The following PAPPA2 variants were observed in gnomAD, a reference collection of about 807,000 sequenced individuals.
The protein encoded by PAPPA2 is pappalysin 2, also known as pappalysin-2.
A neutral mutation model predicts 176.4 loss-of-function variants in PAPPA2; 86 were observed. The ratio of observed to expected loss-of-function variants is 0.49; its 90% CI spans 0.41 to 0.58. The LOEUF is 0.58. Ranked by LOEUF, PAPPA2 falls within the 20% of genes least tolerant of loss-of-function variation. The pLI is 0.00. For missense variants in PAPPA2, 2,073 were observed against 2,256.9 expected (o/e 0.92, Z 1.65); for synonymous variants, 809 against 852.2 (o/e 0.95, Z 0.88).
chr1:176,634,508 G>C (rs1442179597), intron 3 of PAPPA2, among the ~76,000 whole-genome samples: 1 of 152,048 alleles, frequency 6.6e-6, no homozygotes, highest in Non-Finnish European at 1.5e-5. Flanking sequence ...GTTAATGGGT[G>C]CAGCACACCA....
intron 2 of PAPPA2, among the ~76,000 whole-genome samples, chr1:176,565,954 G>A (rs1184817790): frequency 6.6e-6 from 1 of 152,080 alleles, no homozygotes; most frequent in Non-Finnish European, 1.5e-5. Context: ...TTCACCTTTG[G>A]CCTGAAGTGT....
At chr1:176,520,856 T>C (rs1157992096) in intron 1 of PAPPA2, among the ~76,000 whole-genome samples, 1 of 152,134 alleles carries the variant, frequency 6.6e-6, no homozygotes, top group Non-Finnish European at 1.5e-5. Context: ...AGCGTGTGCT[T>C]GTAGTCTCAG....
intron 20 of PAPPA2, among the ~76,000 whole-genome samples, chr1:176,797,646 A>G (rs1409071407): frequency 6.6e-6 from 1 of 151,742 alleles, no homozygotes. Context: ...GTCTCAAAAA[A>G]TATATATATA....
At chr1:176,610,711 T>A (rs958142437) in intron 3 of PAPPA2, among the ~76,000 whole-genome samples, 1 of 152,138 alleles carries the variant, frequency 6.6e-6, no homozygotes, top group Non-Finnish European at 1.5e-5. Flanking sequence ...GATAGTAAAA[T>A]GGCCTCTTCT....
chr1:176,498,292 C>T (rs1194276940), intron 1 of PAPPA2, among the ~76,000 whole-genome samples: 2 of 152,142 alleles, frequency 1.3e-5, no homozygotes, highest in African/African-American at 2.4e-5. Context: ...CTCTCCAGGT[C>T]CCACTCTGGG....
At chr1:176,521,388 A>G (rs1220108246) in intron 1 of PAPPA2, among the ~76,000 whole-genome samples, 1 of 152,106 alleles carries the variant, frequency 6.6e-6, no homozygotes, top group Non-Finnish European at 1.5e-5. Flanking sequence ...CCACATGGTG[A>G]GACCCATTAG....
intron 10 of PAPPA2, among the ~76,000 whole-genome samples, chr1:176,709,651 A>G (rs1199657169): frequency 6.6e-6 from 1 of 152,178 alleles, no homozygotes; most frequent in Admixed American, 6.6e-5. Context: ...TCTCCCAAAT[A>G]TCTTACTCAA....
intron 3 of PAPPA2, among the ~76,000 whole-genome samples, chr1:176,655,795 C>G (rs753161446): frequency 2.6e-5 from 4 of 151,656 alleles, no homozygotes; most frequent in Non-Finnish European, 5.9e-5. Context: ...CACAATATAT[C>G]CATGTAACAA....
At chr1:176,577,356 C>T (rs530700052) in intron 2 of PAPPA2, among the ~76,000 whole-genome samples, 44 of 152,250 alleles carry the variant, frequency 2.9e-4, no homozygotes, top group African/African-American at 1.0e-3. Flanking sequence ...AATCTCCTCT[C>T]CTGTTTTCTA....
rs771453673 is a variant in PAPPA2 at position 176,710,169 on chromosome 1, A to C, written c.3644A>C (p.His1215Pro). 1 of 1,613,234 alleles carries C rather than the reference A, an allele frequency of 6.2e-7. No homozygotes were observed. The highest frequency in any genetic ancestry group is 1.1e-5 in the South Asian group (1 of 90,976). Residue 1215 changes from histidine (H) to proline (P), a missense_variant, in exon 11 of 23, where the codon CAT becomes CCT. By Grantham distance (77) the His-to-Pro change is moderately conservative. This residue lies in a region of PAPPA2 where 846 missense variants were observed against 857.9 expected (regional missense o/e 0.99). Coordinates refer to ENST00000367662, the MANE Select transcript of PAPPA2 (RefSeq NM_020318.3). ...CPVSLVTGEPHSLICTSYHPD... is the reference protein window; with the variant it reads ...CPVSLVTGEPPSLICTSYHPD... ...GTTTCCTTGGTAACTGGAGAACCTC[A>C]TTCCCTAGTAAGTTAAGCCAGATGA... is the stretch of plus-strand genomic sequence containing the variant.
In PAPPA2 at chr1:176,820,602, A is replaced by G. The variant is rs1666621749; in HGVS notation, c.5203-19571A>G. ...CTGCCCACTGTGCCAGCCACATGTC[A>G]TGCATGGCATTTTCTTCTGCTAAAC... On this transcript the variant is annotated intron_variant, in intron 21 of 22. Coordinates refer to ENST00000367662, the MANE Select transcript of PAPPA2 (RefSeq NM_020318.3). 2.0e-5 allele frequency among the ~76,000 whole-genome samples: 3 copies of G among 152,256 alleles called. No individual in the cohort carries two copies. In the East Asian group the frequency reaches 5.8e-4, roughly 29 times the overall value.
At chr1:176,474,674 A>T (rs1652035422) in intron 1 of PAPPA2, among the ~76,000 whole-genome samples, 1 of 152,234 alleles carries the variant, frequency 6.6e-6, no homozygotes, top group Admixed American at 6.5e-5. Flanking sequence ...CACTTACTAC[A>T]AGTTCCATAA....
intron 1 of PAPPA2, among the ~76,000 whole-genome samples, chr1:176,492,957 G>C (rs1407623430): frequency 6.6e-6 from 1 of 152,084 alleles, no homozygotes; most frequent in Admixed American, 6.5e-5. Flanking sequence ...ATTTTCTGTT[G>C]TGATTCAGGA....
At chr1:176,516,342 A>G (rs1369229634) in intron 1 of PAPPA2, among the ~76,000 whole-genome samples, 1 of 149,916 alleles carries the variant, frequency 6.7e-6, no homozygotes, top group Non-Finnish European at 1.5e-5. Flanking sequence ...CCTCATTCTC[A>G]TCATTTACCA....
At chr1:176,485,451 C>T (rs1048125732) in intron 1 of PAPPA2, among the ~76,000 whole-genome samples, 1 of 152,126 alleles carries the variant, frequency 6.6e-6, no homozygotes, top group African/African-American at 2.4e-5. Flanking sequence ...CCACATGATT[C>T]ACTCTCCCAC....
intron 3 of PAPPA2, among the ~76,000 whole-genome samples, chr1:176,647,492 C>A (rs1462822819): frequency 6.6e-6 from 1 of 151,448 alleles, no homozygotes; most frequent in African/African-American, 2.4e-5. Flanking sequence ...TAGCCCAGTC[C>A]AATGCCATGA....
chr1:176,746,957 C>T (rs185967746), intron 14 of PAPPA2, among the ~76,000 whole-genome samples: 1 of 152,054 alleles, frequency 6.6e-6, no homozygotes, highest in African/African-American at 2.4e-5. Context: ...GTTCAAAAAC[C>T]ATTTAAGTGA....
chr1:176,828,882 A>G (rs1338193371), intron 21 of PAPPA2, among the ~76,000 whole-genome samples: 1 of 152,096 alleles, frequency 6.6e-6, no homozygotes, highest in Non-Finnish European at 1.5e-5. Context: ...GGGCAGCTGT[A>G]TTCCCAACTA....
intron 17 of PAPPA2, 38 bp downstream of exon 17, chr1:176,771,218 C>G (rs1664210536): frequency 6.3e-7 from 1 of 1,580,946 alleles, no homozygotes; most frequent in Non-Finnish European, 8.7e-7. Flanking sequence ...GTTCTACCTA[C>G]CTCGCTGCTT....
Sources: gnomAD v4.1 joint callset for allele counts (sites outside exome capture counted in the v4.1 genomes callset) on GRCh38, gnomAD v4.1.1 for gene constraint, gnomAD v4.1.1 regional missense constraint, MANE v1.5 for transcripts, NCBI Gene and HGNC (gene_info 2026-07-23, HGNC 2026-07-21) for gene names.